MALRD1: variants seen among roughly 807,000 people sequenced by gnomAD.
MALRD1 encodes the protein MAM and LDL receptor class A domain containing 1, also known as MAM and LDL-receptor class A domain-containing protein 1.
In MALRD1, 247 loss-of-function variants were observed where a neutral mutation model predicts 242.1. The observed-to-expected ratio is 1.02, with a 90% CI of 0.92 to 1.13. MALRD1 has a LOEUF of 1.13. Ranked by LOEUF, MALRD1 falls within the 50% of genes most tolerant of loss-of-function variation. MALRD1 has a pLI of 0.00. For synonymous variants in MALRD1, 995 were observed against 866.6 expected (o/e 1.15, Z -2.60); for missense variants, 2,989 against 2,533.1 (o/e 1.18, Z -3.86).
At chr10:19,721,898 T>A (rs973314212) in intron 38 of MALRD1, 2 of 152,256 alleles carry the variant, frequency 1.3e-5, no homozygotes, top group African/African-American at 4.8e-5. Context: ...ACCCACTTAA[T>A]GTCTTGGGCT....
intron 33 of MALRD1, among the ~76,000 whole-genome samples, chr10:19,583,143 T>C: frequency 7.7e-6 from 1 of 130,494 alleles, no homozygotes; most frequent in Non-Finnish European, 1.6e-5. Flanking sequence ...TGGGGTTTTC[T>C]AGATATACAA....
chr10:19,622,834 A>T (rs1839467125), intron 36 of MALRD1, among the ~76,000 whole-genome samples: 3 of 151,980 alleles, frequency 2.0e-5, no homozygotes, highest in Non-Finnish European at 4.4e-5. Flanking sequence ...AGCAGAGTAG[A>T]AAGTTAAAAA....
chr10:19,303,312 A>T (rs963225225), intron 21 of MALRD1, among the ~76,000 whole-genome samples: 1 of 151,688 alleles, frequency 6.6e-6, no homozygotes, highest in African/African-American at 2.4e-5. Context: ...TTATAATGAT[A>T]AATAAAATAG....
At chr10:19,652,476 A>G (rs951805984) in intron 36 of MALRD1, among the ~76,000 whole-genome samples, 1 of 152,184 alleles carries the variant, frequency 6.6e-6, no homozygotes, top group Non-Finnish European at 1.5e-5. Context: ...TGCGTATGAT[A>G]CTGTAAAGAG....
intron 14 of MALRD1, among the ~76,000 whole-genome samples, chr10:19,202,673 A>G (rs1836590780): frequency 6.6e-6 from 1 of 152,188 alleles, no homozygotes; most frequent in Non-Finnish European, 1.5e-5. Context: ...AAAATAGCCA[A>G]TGGCTAAGAA....
At chr10:19,610,614 A>G (rs973202448) in intron 35 of MALRD1, among the ~76,000 whole-genome samples, 3 of 152,040 alleles carry the variant, frequency 2.0e-5, no homozygotes, top group South Asian at 2.1e-4. Context: ...GGGACAGTAC[A>G]TAAATGCCAC....
At chr10:19,250,012 G>C (rs1281228786) in intron 18 of MALRD1, among the ~76,000 whole-genome samples, 2 of 151,798 alleles carry the variant, frequency 1.3e-5, no homozygotes, top group African/African-American at 2.4e-5. Context: ...AGAAAGACTT[G>C]TATATTAAAA....
At chr10:19,488,301 T>G (rs1367932331) in intron 29 of MALRD1, among the ~76,000 whole-genome samples, 3 of 152,160 alleles carry the variant, frequency 2.0e-5, no homozygotes, top group African/African-American at 7.2e-5. Context: ...ATATATCAGG[T>G]TCTATGTGAG....
intron 33 of MALRD1, among the ~76,000 whole-genome samples, chr10:19,594,471 C>T (rs149584669): frequency 2.1e-3 from 320 of 152,214 alleles, no homozygotes; most frequent in African/African-American, 7.5e-3. Context: ...TTTGATTCAG[C>T]AATCTCACTA....
intron 36 of MALRD1, among the ~76,000 whole-genome samples, chr10:19,651,240 G>A (rs973194778): frequency 6.6e-6 from 1 of 152,148 alleles, no homozygotes; most frequent in African/African-American, 2.4e-5. Context: ...CTGAAGATTA[G>A]TTAGTAAAAC....
intron 2 of MALRD1, among the ~76,000 whole-genome samples, chr10:19,067,433 C>T (rs1339957894): frequency 3.3e-5 from 5 of 152,094 alleles, no homozygotes; most frequent in Admixed American, 1.3e-4. Context: ...CATGCCTGCC[C>T]TCATCTGATA....
At chr10:19,434,345 A>G (rs992542098) in intron 28 of MALRD1, among the ~76,000 whole-genome samples, 6 of 152,162 alleles carry the variant, frequency 3.9e-5, no homozygotes, top group Non-Finnish European at 8.8e-5. Context: ...TGCAAGAGCC[A>G]CTGACACAGG....
chr10:19,425,171 T>C (rs1481724959), intron 28 of MALRD1, among the ~76,000 whole-genome samples: 1 of 152,216 alleles, frequency 6.6e-6, no homozygotes, highest in Non-Finnish European at 1.5e-5. Flanking sequence ...TTAGCAGCTA[T>C]TAAATGACAA....
chr10:19,698,739 A>T (rs1207044621), intron 38 of MALRD1, among the ~76,000 whole-genome samples: 1 of 152,188 alleles, frequency 6.6e-6, no homozygotes, highest in African/African-American at 2.4e-5. Flanking sequence ...AGTAGAGAGT[A>T]AAGAAAACGT....
intron 31 of MALRD1, among the ~76,000 whole-genome samples, chr10:19,526,365 A>ACATAT (rs10695324): frequency 6.7e-6 from 1 of 148,966 alleles, no homozygotes; most frequent in African/African-American, 2.5e-5. Flanking sequence ...CCAAAAAAAA[A>ACATAT]ATACATATAT....
At chr10:19,132,181 T>G (rs1438697743) in intron 8 of MALRD1, among the ~76,000 whole-genome samples, 2 of 152,216 alleles carry the variant, frequency 1.3e-5, no homozygotes, top group Admixed American at 1.3e-4. Context: ...AGCTCTAAAT[T>G]ATTTTCATAA....
chr10:19,179,449 A>G (rs914720583), intron 14 of MALRD1, among the ~76,000 whole-genome samples: 1 of 152,146 alleles, frequency 6.6e-6, no homozygotes, highest in African/African-American at 2.4e-5. Flanking sequence ...CAGGAGTTCA[A>G]GACCAGCCTG....
intron 5 of MALRD1, among the ~76,000 whole-genome samples, chr10:19,114,244 C>G (rs1423483494): frequency 6.6e-6 from 1 of 152,102 alleles, no homozygotes; most frequent in Non-Finnish European, 1.5e-5. Context: ...CCAAGCATTT[C>G]CCATATTTTA....
chr10:19,322,225 A>C (rs1321933851), intron 21 of MALRD1, among the ~76,000 whole-genome samples: 2 of 152,124 alleles, frequency 1.3e-5, no homozygotes, highest in Non-Finnish European at 1.5e-5. Flanking sequence ...TGGATGTATA[A>C]GTATATACAT....
Sources: allele counts gnomAD v4.1 joint callset (sites outside exome capture counted in the v4.1 genomes callset), GRCh38; gene constraint gnomAD v4.1.1; transcripts MANE v1.5; gene names NCBI Gene and HGNC (gene_info 2026-07-23, HGNC 2026-07-21).